NHSL1: variants seen among roughly 807,000 people sequenced by gnomAD.
The protein encoded by NHSL1 is NHS like 1, also known as NHS-like protein 1.
NHSL1 carries 48 observed loss-of-function variants against 95.0 expected under a neutral mutation model. The ratio of observed to expected loss-of-function variants is 0.51; its 90% CI spans 0.40 to 0.64. The LOEUF (loss-of-function observed/expected upper bound fraction) is 0.64, where lower values mean the gene tolerates loss of function less well. Among genes scored for constraint, NHSL1 ranks in the 30% least tolerant of loss-of-function variants. The pLI, the probability that NHSL1 is intolerant of heterozygous loss-of-function variation, is 0.00. For synonymous variants in NHSL1, 783 were observed against 833.9 expected (o/e 0.94, Z 1.05); for missense variants, 1,971 against 2,077.7 (o/e 0.95, Z 1.00).
upstream of NHSL1, among the ~76,000 whole-genome samples, chr6:138,500,571 A>G (rs12527125): frequency 0.46 from 69,215 of 152,098 alleles, 17,300 homozygotes; most frequent in Middle Eastern, 0.57. Context: ...CTTATAACTC[A>G]ATGGAAAAAT....
chr6:138,497,026 T>C (rs963105939), intron 1 of NHSL1, among the ~76,000 whole-genome samples: 2 of 152,204 alleles, frequency 1.3e-5, no homozygotes, highest in African/African-American at 4.8e-5. Flanking sequence ...TACAATGCAA[T>C]TGACTCTTCC....
At chr6:138,585,817 T>G (rs534110831) in intron 1 of NHSL1, among the ~76,000 whole-genome samples, 1 of 148,666 alleles carries the variant, frequency 6.7e-6, no homozygotes, top group Non-Finnish European at 1.5e-5. Context: ...GAGGCTGAGG[T>G]GGGAGGACTG....
At chr6:138,676,200 G>A (rs1179776183) in intron 1 of NHSL1, among the ~76,000 whole-genome samples, 1 of 152,008 alleles carries the variant, frequency 6.6e-6, no homozygotes, top group African/African-American at 2.4e-5. Flanking sequence ...CCAATATTCT[G>A]TACTTTCAGA....
At chr6:138,669,950 G>C (rs1785342360) in intron 1 of NHSL1, among the ~76,000 whole-genome samples, 1 of 152,028 alleles carries the variant, frequency 6.6e-6, no homozygotes, top group Admixed American at 6.6e-5. Flanking sequence ...GTCAAACCCT[G>C]TCTCTACTAA....
In NHSL1 at chr6:138,626,622, G is replaced by A. The variant is rs1230639144; in HGVS notation, c.96+65854C>T. 2.8e-5 allele frequency among the ~76,000 whole-genome samples: 2 copies of A among 71,396 alleles called. 1 individual carries two copies. The highest frequency in any genetic ancestry group is 1.5e-4 in the African/African-American group (2 of 13,368). 46.8% of individuals were successfully genotyped at this position (71,396 alleles called of 152,430 possible). ...TTAAAAAAAATTGTAGGCCGGGCGC[G>A]GTGGCTCACGCCTGTAATCCCAGCA... On this transcript the variant is annotated intron_variant, in intron 1 of 3. Transcript: ENST00000491526.
Position 138,424,264 on chromosome 6 carries a change from A to C in NHSL1, c.4638T>G (p.Ala1546=), listed in dbSNP as rs937048098. The change falls in exon 8 of 8, where the codon GCT becomes GCG. Residue 1546 remains alanine (A), a synonymous_variant. Coordinates refer to ENST00000343505, the MANE Select transcript of NHSL1 (RefSeq NM_001144060.2). This position sits in a 1 kb window ranked among gnomAD's most constrained non-coding sequence, Gnocchi z 5.9. The part of the protein sequence containing the change: ...VDSIARGALG[A]AEGCSLDGLA... ...GTCCGTCCAGGGAACATCCCTCCGC[A>C]GCGCCCAGAGCCCCGCGGGCTATGC... The C allele has an allele frequency of 2.1e-5, 31 of 1,496,150 alleles. No individual in the cohort carries two copies. Among genetic ancestry groups the C allele is most frequent in the Non-Finnish European group, 2.6e-5 (29 of 1,120,992 alleles). The allele number at this position is 1,496,150 out of a possible 1,614,324, so 92.7% of individuals were successfully genotyped here. A position where few individuals can be genotyped will look rare whatever the true frequency, so the allele number is the denominator to read the frequency against.
upstream of NHSL1, chr6:138,545,895 G>C (rs553430797): frequency 2.2e-6 from 2 of 925,858 alleles, no homozygotes; most frequent in East Asian, 2.3e-4. Context: ...AAGGAGCCAG[G>C]GGTTAGCAGT....
At chr6:138,445,239 C>T (rs1023106097) in intron 4 of NHSL1, among the ~76,000 whole-genome samples, 2 of 152,172 alleles carry the variant, frequency 1.3e-5, no homozygotes, top group Middle Eastern at 3.4e-3. Flanking sequence ...GCACAATCTT[C>T]TTATCTTATA....
At chr6:138,521,446 G>A (rs1781679715) in intron 1 of NHSL1, among the ~76,000 whole-genome samples, 1 of 152,158 alleles carries the variant, frequency 6.6e-6, no homozygotes. Flanking sequence ...AGCCTGGGCA[G>A]CAAAGTGAGA....
chr6:138,469,748 A>AAAC (rs945396103), intron 3 of NHSL1, among the ~76,000 whole-genome samples: 2 of 152,264 alleles, frequency 1.3e-5, no homozygotes, highest in East Asian at 1.9e-4. Context: ...ACAAAAAACA[A>AAAC]AACAACAACA....
In NHSL1 at chr6:138,424,940, T is replaced by G. The variant is rs991244721; in HGVS notation, c.4086-124A>C. 1 of 848,940 alleles carries G rather than the reference T, an allele frequency of 1.2e-6. No individual in the cohort carries two copies. Among genetic ancestry groups the G allele is most frequent in the Non-Finnish European group, 1.8e-6 (1 of 563,888 alleles). 52.6% of individuals were successfully genotyped at this position (848,940 alleles called of 1,614,324 possible). ...TACTTAAGATTCACTTTCAAAAAAT[T>G]TATTTTTGACTGGGCACAGTGGCTC... On this transcript the variant is annotated intron_variant, in intron 7 of 7. Transcript: ENST00000343505. The surrounding 1 kb of genome is among the most constrained non-coding windows in gnomAD (Gnocchi z 5.9).
intron 7 of NHSL1, among the ~76,000 whole-genome samples, chr6:138,425,887 C>T (rs1394170678): frequency 4.1e-5 from 6 of 145,632 alleles, no homozygotes; most frequent in Non-Finnish European, 7.4e-5. Flanking sequence ...GCTTCATGAT[C>T]GACTCAGCAA....
chr6:138,514,242 C>T (rs1232223861), intron 1 of NHSL1, among the ~76,000 whole-genome samples: 8 of 151,946 alleles, frequency 5.3e-5, no homozygotes, highest in Non-Finnish European at 2.9e-5. Flanking sequence ...TGCTTGAACC[C>T]GGGAGGAGGG....
chr6:138,520,027 T>G (rs1406111281), intron 1 of NHSL1, among the ~76,000 whole-genome samples: 1 of 152,160 alleles, frequency 6.6e-6, no homozygotes, highest in East Asian at 1.9e-4. Flanking sequence ...CCATAACCGT[T>G]GGCATTCAGT....
upstream of NHSL1, among the ~76,000 whole-genome samples, chr6:138,575,807 C>T (rs1783960457): frequency 6.6e-6 from 1 of 152,054 alleles, no homozygotes; most frequent in Non-Finnish European, 1.5e-5. Context: ...TTAGCAACCA[C>T]GATGAACCCC....
chr6:138,584,361 T>C (rs1236897832), intron 1 of NHSL1, among the ~76,000 whole-genome samples: 1 of 152,232 alleles, frequency 6.6e-6, no homozygotes, highest in Non-Finnish European at 1.5e-5. Flanking sequence ...TTCACTCTTT[T>C]AAAACTTAAA....
At position 138,538,866 on chromosome 6, in the gene NHSL1, A is replaced by G. The variant is rs1317990975; in HGVS notation, c.16+6757T>C. On this transcript the variant is annotated intron_variant, in intron 1 of 4. Coordinates refer to the NHSL1 transcript ENST00000342260. ...TGGCTCCTAAAGCTCACTTTATGCT[A>G]TTTATATCTTTTTGTTATAAGAAGA... is the stretch of plus-strand genomic sequence containing the variant. Among the ~76,000 whole-genome samples the G allele has an allele frequency of 2.0e-5, 3 of 152,286 alleles. No homozygotes were observed. In the East Asian group the frequency reaches 5.8e-4, roughly 29 times the overall value.
chr6:138,641,588 A>C (rs1370632963), intron 1 of NHSL1, among the ~76,000 whole-genome samples: 1 of 139,406 alleles, frequency 7.2e-6, no homozygotes, highest in Non-Finnish European at 1.5e-5. Context: ...GTGCCACCGC[A>C]CTCCAGCCTG....
At position 138,430,635 on chromosome 6, in the gene NHSL1, G is replaced by A. The variant is rs370697995; in HGVS notation, c.3710C>T (p.Ser1237Phe). The A allele has an allele frequency of 4.6e-5, 72 of 1,551,668 alleles. No individual in the cohort carries two copies. The African/African-American group carries it at 7.2e-4, about 16-fold the overall frequency. Reference protein sequence around the residue: ...VPSPTTGEEGSVHSREAKESS... With the variant: ...VPSPTTGEEGFVHSREAKESS... ...CTCTTTTGCCTCCCTGCTGTGCACAGAGCCCTCCTCTCCCGTCGTGGGGCT... is the reference window on the plus strand; with the variant it reads ...CTCTTTTGCCTCCCTGCTGTGCACAAAGCCCTCCTCTCCCGTCGTGGGGCT... Residue 1237 changes from serine (S) to phenylalanine (F), a missense_variant, in exon 6 of 8, where the codon TCT becomes TTT. This residue lies in a region of NHSL1 where 1,602 missense variants were observed against 1,654.5 expected (regional missense o/e 0.97). Transcript: ENST00000343505. The surrounding 1 kb of genome is among the most constrained non-coding windows in gnomAD (Gnocchi z 4.7).
Sources: gnomAD v4.1 joint callset for allele counts (sites outside exome capture counted in the v4.1 genomes callset) on GRCh38, gnomAD v4.1.1 for gene constraint, gnomAD v4.1.1 regional missense constraint, Gnocchi (gnomAD v3.1) non-coding constraint, MANE v1.5 for transcripts, NCBI Gene and HGNC (gene_info 2026-07-23, HGNC 2026-07-21) for gene names.